The following SYT7 variants were observed in gnomAD, a reference collection of about 807,000 sequenced individuals.
The protein encoded by SYT7 is synaptotagmin-7.
SYT7 carries 29 observed loss-of-function variants against 75.1 expected under a neutral mutation model. That is an observed-to-expected ratio of 0.39 (90% CI 0.29 to 0.53). SYT7 has a LOEUF of 0.53. SYT7 is among the 20% of genes least tolerant of loss of function. The pLI is 0.77. For synonymous variants in SYT7, 376 were observed against 401.7 expected (o/e 0.94, Z 0.76); for missense variants, 693 against 953.2 (o/e 0.73, Z 3.59).
In SYT7 at chr11:61,553,808, G is replaced by T. The variant is rs2063417927; in HGVS notation, c.135+2296C>A. 6.6e-6 allele frequency among the ~76,000 whole-genome samples: 1 copy of T among 152,106 alleles called. No homozygotes were observed. The highest frequency in any genetic ancestry group is 1.5e-5 in the Non-Finnish European group (1 of 68,018). On this transcript the variant is annotated intron_variant, in intron 2 of 12. Coordinates refer to ENST00000539008, the MANE Select transcript of SYT7 (RefSeq NM_001365809.2). This position sits in a 1 kb window ranked among gnomAD's most constrained non-coding sequence, Gnocchi z 5.2. ...TATTAATGTTTGGAAATGGGATCTG[G>T]GCTGTCAGGGTATCACGTCACTGCT... is the stretch of plus-strand genomic sequence containing the variant.
chr11:61,537,681 C>T (rs539995078), intron 7 of SYT7, among the ~76,000 whole-genome samples: 2 of 152,310 alleles, frequency 1.3e-5, no homozygotes, highest in African/African-American at 4.8e-5. Context: ...GCCAAGCAGC[C>T]CAACAGGACC....
rs533399519 is a variant in SYT7 at position 61,569,483 on chromosome 11, T to TGA, written c.31+11305_31+11306dup. 1.1e-3 allele frequency among the ~76,000 whole-genome samples: 173 copies of TGA among 151,540 alleles called. 3 individuals carry two copies. In the South Asian group the frequency reaches 0.035, roughly 31 times the overall value. On this transcript the variant is annotated intron_variant, in intron 1 of 12. Transcript: ENST00000539008. ...CCTGAACATGTCCATGCAGAGTAAG[T>TGA]GAGAGAGACCTGGGCTCTGGGGCAG...
In SYT7 at chr11:61,523,900, G is replaced by A. The variant is rs1246959813; in HGVS notation, c.1683C>T (p.Pro561=). 2 of 1,613,944 alleles carry A rather than the reference G, an allele frequency of 1.2e-6. No homozygotes were observed. Among genetic ancestry groups the A allele is most frequent in the African/African-American group, 1.3e-5 (1 of 74,906 alleles). Residue 561 remains proline, a synonymous_variant, in exon 11 of 13, where the codon CCC becomes CCT. Transcript: ENST00000539008. The surrounding 1 kb of genome is among the most constrained non-coding windows in gnomAD (Gnocchi z 5.0). Reference sequence around the variant, plus strand: ...TGTTCACGATGATGGAGTTGGCAGAGGGGTTGTAGCAGAGAGACAAGAGCA... The same window carrying A: ...TGTTCACGATGATGGAGTTGGCAGAAGGGTTGTAGCAGAGAGACAAGAGCA... ...GELLLSLCYN[P]SANSIIVNII...
chr11:61,579,303 C>T (rs1222645273), intron 1 of SYT7, among the ~76,000 whole-genome samples: 1 of 152,206 alleles, frequency 6.6e-6, no homozygotes, highest in Non-Finnish European at 1.5e-5. Flanking sequence ...TGGAAGCCGG[C>T]GGCCTCTTCG....
intron 12 of SYT7, among the ~76,000 whole-genome samples, chr11:61,521,198 G>A (rs2908205): frequency 0.068 from 10,315 of 152,310 alleles, 1,145 homozygotes; most frequent in African/African-American, 0.23. Context: ...TGGCTTCCAG[G>A]GGCTGAGCAG....
chr11:61,552,099 C>T (rs574579949), intron 2 of SYT7, among the ~76,000 whole-genome samples: 6 of 152,170 alleles, frequency 3.9e-5, no homozygotes, highest in East Asian at 1.9e-4. Context: ...GGGCCCCTGC[C>T]CCCCAGAGTC....
intron 1 of SYT7, among the ~76,000 whole-genome samples, chr11:61,558,223 G>GA (rs533362728): frequency 2.1e-3 from 314 of 152,350 alleles, no homozygotes; most frequent in African/African-American, 7.3e-3. Context: ...TTGGGAGCCA[G>GA]AGGCAGGCAG....
At chr11:61,527,848 T>C (rs1368807237) in intron 9 of SYT7, 67 bp downstream of exon 9, 15 of 1,573,688 alleles carry the variant, frequency 9.5e-6, no homozygotes, top group African/African-American at 4.0e-5. Flanking sequence ...GCCACAAGTG[T>C]GGTTGGGTAG....
chr11:61,541,400 A>T (rs1383120733), intron 6 of SYT7: 10 of 441,022 alleles, frequency 2.3e-5, no homozygotes, highest in Non-Finnish European at 2.5e-5. Flanking sequence ...GTCCAGAGAG[A>T]TGCTGGGGAG....
intron 2 of SYT7, among the ~76,000 whole-genome samples, chr11:61,552,397 G>C (rs1171033393): frequency 1.3e-5 from 2 of 152,034 alleles, no homozygotes; most frequent in Non-Finnish European, 2.9e-5. Context: ...CGGGGTTTGG[G>C]GCTGCCTCTC....
chr11:61,522,187 CTTTTTTT>C (rs60616538), intron 12 of SYT7, among the ~76,000 whole-genome samples: 5 of 114,276 alleles, frequency 4.4e-5, no homozygotes, highest in Non-Finnish European at 5.4e-5. Flanking sequence ...GAAGAGATCA[CTTTTTTT>C]TTTTTTTTTT....
chr11:61,533,439 GTC>G (rs2062771949), intron 7 of SYT7: 1 of 985,266 alleles, frequency 1.0e-6, no homozygotes, highest in East Asian at 1.1e-4. Flanking sequence ...TGCATAGTCG[GTC>G]TCTGAGGTGG....
At chr11:61,539,690 C>G (rs2135219653) in intron 6 of SYT7, 1 of 152,262 alleles carries the variant, frequency 6.6e-6, no homozygotes, top group East Asian at 1.9e-4. Context: ...GAGCAGTTGT[C>G]AAACAGGGAA....
chr11:61,554,649 G>A (rs1031401128), intron 2 of SYT7, among the ~76,000 whole-genome samples: 64 of 152,230 alleles, frequency 4.2e-4, no homozygotes, highest in African/African-American at 1.5e-3. Context: ...CTGCAGGTAC[G>A]CTCAGCCACT....
intron 1 of SYT7, among the ~76,000 whole-genome samples, chr11:61,572,002 C>G (rs527663279): frequency 4.7e-4 from 72 of 152,350 alleles, no homozygotes; most frequent in Non-Finnish European, 7.8e-4. Context: ...CTCTCCTCCC[C>G]CTGCCCAAGC....
chr11:61,556,045 GA>G, intron 2 of SYT7, 58 bp downstream of exon 2: 6 of 1,420,638 alleles, frequency 4.2e-6, no homozygotes, highest in Non-Finnish European at 5.9e-6. Flanking sequence ...TGTGTGTGGG[GA>G]GGGGGGGCAG....
rs142572593 is a variant in SYT7, at chr11:61,539,334, G to A, written c.942-1068C>T. On this transcript the variant is annotated intron_variant, in intron 6 of 12. Coordinates refer to ENST00000539008, the MANE Select transcript of SYT7 (RefSeq NM_001365809.2). ...TAGGGGGCATTCTCAGAGAACCATC[G>A]GGCAACTTGCCAGGGTCTTTGCGAG... is the stretch of plus-strand genomic sequence containing the variant. Among the ~76,000 whole-genome samples, 73 of 152,270 alleles carry A rather than the reference G, an allele frequency of 4.8e-4. 1 individual carries two copies. The East Asian group carries it at 9.8e-3, about 21-fold the overall frequency.
Position 61,576,024 on chromosome 11 carries a change from T to C in SYT7, c.31+4766A>G, listed in dbSNP as rs1362100504. ...CCAAGGGGTCCTTCCAGGTGGAGGCTGCAGAGACTCCCCAGAGCAGGCCGG... is the reference window on the plus strand; with the variant it reads ...CCAAGGGGTCCTTCCAGGTGGAGGCCGCAGAGACTCCCCAGAGCAGGCCGG... On this transcript the variant is annotated intron_variant, in intron 1 of 12. Coordinates refer to ENST00000539008, the MANE Select transcript of SYT7 (RefSeq NM_001365809.2). The surrounding 1 kb of genome is among the most constrained non-coding windows in gnomAD (Gnocchi z 4.1). 1.3e-5 allele frequency among the ~76,000 whole-genome samples: 2 copies of C among 152,212 alleles called. No individual in the cohort carries two copies. Among genetic ancestry groups the C allele is most frequent in the African/African-American group, 4.8e-5 (2 of 41,446 alleles).
At position 61,524,009 on chromosome 11, in the gene SYT7, C is replaced by T. The variant is rs1427378540; in HGVS notation, c.1642-68G>A. The T allele has an allele frequency of 7.0e-7, 1 of 1,420,378 alleles. No individual in the cohort carries two copies. The highest frequency in any genetic ancestry group is 1.4e-5 in the African/African-American group (1 of 70,934). 88.0% of individuals were successfully genotyped at this position (1,420,378 alleles called of 1,614,324 possible). ...GAGCTCTCTGATTGGCCTAGCTGCC[C>T]CCAGGTCCCCTCTACCCTGACCTTG... On this transcript the variant is annotated intron_variant, in intron 10 of 12. Transcript: ENST00000539008. The surrounding 1 kb of genome is among the most constrained non-coding windows in gnomAD (Gnocchi z 4.1).
Sources: allele counts gnomAD v4.1 joint callset (sites outside exome capture counted in the v4.1 genomes callset), GRCh38; gene constraint gnomAD v4.1.1; non-coding constraint Gnocchi (gnomAD v3.1); transcripts MANE v1.5; gene names NCBI Gene and HGNC (gene_info 2026-07-23, HGNC 2026-07-21).